The following KCNAB2 variants were observed in gnomAD, a reference collection of about 807,000 sequenced individuals.
KCNAB2 encodes the protein voltage-gated potassium channel subunit beta-2.
A neutral mutation model predicts 63.6 loss-of-function variants in KCNAB2; 29 were observed. The ratio of observed to expected loss-of-function variants is 0.46; its 90% CI spans 0.34 to 0.62. The LOEUF (loss-of-function observed/expected upper bound fraction) is 0.62. KCNAB2 is among the 20% of genes least tolerant of loss of function. KCNAB2 has a pLI of 0.01. For missense variants in KCNAB2, 359 were observed against 563.9 expected (o/e 0.64, Z 3.68); for synonymous variants, 222 against 224.2 (o/e 0.99, Z 0.09).
intron 1 of KCNAB2, among the ~76,000 whole-genome samples, chr1:6,006,739 C>A (rs541798883): frequency 1.2e-3 from 170 of 139,156 alleles, no homozygotes; most frequent in African/African-American, 4.7e-3. Context: ...TCCCACATTC[C>A]CCTACTCCAC....
chr1:6,032,231 A>G (rs777391349), upstream of KCNAB2, among the ~76,000 whole-genome samples: 2 of 152,178 alleles, frequency 1.3e-5, no homozygotes, highest in African/African-American at 2.4e-5. Context: ...GGGGAACCGA[A>G]TATTCACACA....
chr1:6,084,681 T>C (rs984681876), intron 5 of KCNAB2, among the ~76,000 whole-genome samples: 7 of 152,048 alleles, frequency 4.6e-5, no homozygotes, highest in Admixed American at 2.6e-4. Flanking sequence ...CCGGGCGTGG[T>C]GGCAGGTGCC....
upstream of KCNAB2, among the ~76,000 whole-genome samples, chr1:6,030,736 TTA>T (rs1283904097): frequency 8.0e-5 from 12 of 149,154 alleles, no homozygotes; most frequent in Non-Finnish European, 1.8e-4. Flanking sequence ...TTATGTGTGT[TTA>T]TGTGTGTATA....
At position 6,001,973 on chromosome 1, in the gene KCNAB2, T is replaced by G. The variant is rs147950635; in HGVS notation, c.-53+9185T>G. Among the ~76,000 whole-genome samples, 276 of 152,310 alleles carry G rather than the reference T, an allele frequency of 1.8e-3. 2 individuals are homozygous for G. Among genetic ancestry groups the G allele is most frequent in the African/African-American group, 6.4e-3 (267 of 41,570 alleles). On this transcript the variant is annotated intron_variant, in intron 1 of 16. Coordinates refer to the KCNAB2 transcript ENST00000341524. ...TCCTGTAGTCTCTCCAAGCATGCCCTGCAGTGGTCATGACTGCTGACATCT... is the reference window on the plus strand; with the variant it reads ...TCCTGTAGTCTCTCCAAGCATGCCCGGCAGTGGTCATGACTGCTGACATCT...
At position 6,095,591 on chromosome 1, in the gene KCNAB2, T is replaced by C. The variant is rs1284481552; in HGVS notation, c.915T>C (p.Ser305=). The C allele has an allele frequency of 1.2e-6, 2 of 1,613,326 alleles. No homozygotes were observed. The highest frequency in any genetic ancestry group is 2.2e-5 in the East Asian group (1 of 44,850). The stretch of plus-strand genomic sequence containing the variant: ...GCATTGTTTCTGGCAAGTACGACAG[T>C]GGCATCCCACCCTACTCAAGAGCCT... ...ACGIVSGKYD[S]GIPPYSRASL... is the part of the protein sequence containing the mutation. The change falls in exon 13 of 16, where the codon AGT becomes AGC. Residue 305 remains serine, a synonymous_variant. Coordinates refer to ENST00000378083, the MANE Select transcript of KCNAB2 (RefSeq NM_001199862.2).
chr1:6,037,383 G>T (rs1056323981), intron 1 of KCNAB2, among the ~76,000 whole-genome samples: 2 of 152,206 alleles, frequency 1.3e-5, no homozygotes, highest in Non-Finnish European at 2.9e-5. Context: ...CCTGCCTCCC[G>T]TGGGCCGTGT....
At chr1:6,052,710 G>T (rs1661496287) in intron 2 of KCNAB2, among the ~76,000 whole-genome samples, 1 of 152,188 alleles carries the variant, frequency 6.6e-6, no homozygotes, top group Non-Finnish European at 1.5e-5. Context: ...TCAGGAACAT[G>T]CCCTTGTGAG....
At chr1:6,049,151 G>C (rs958109275) in intron 1 of KCNAB2, among the ~76,000 whole-genome samples, 4 of 152,246 alleles carry the variant, frequency 2.6e-5, no homozygotes, top group Admixed American at 6.5e-5. Flanking sequence ...CAGGAAGCCA[G>C]CCCCGCCCCC....
At position 6,078,987 on chromosome 1, in the gene KCNAB2, C is replaced by T. The variant is rs568230395; in HGVS notation, c.301-3208C>T. Among the ~76,000 whole-genome samples, 141 of 152,308 alleles carry T rather than the reference C, an allele frequency of 9.3e-4. No individual in the cohort carries two copies. The highest frequency in any genetic ancestry group is 3.1e-3 in the African/African-American group (130 of 41,576). On this transcript the variant is annotated intron_variant, in intron 4 of 15. Coordinates refer to ENST00000378083, the MANE Select transcript of KCNAB2 (RefSeq NM_001199862.2). The surrounding 1 kb of genome is among the most constrained non-coding windows in gnomAD (Gnocchi z 4.2). ...CTGGAGGCTCAGAGCAGGGTGGGCACCGTGGAGGTGGGGAGACGGGTCAGA... is the reference window on the plus strand; with the variant it reads ...CTGGAGGCTCAGAGCAGGGTGGGCATCGTGGAGGTGGGGAGACGGGTCAGA...
At chr1:6,064,633 C>T (rs1662589781) in intron 2 of KCNAB2, among the ~76,000 whole-genome samples, 1 of 152,162 alleles carries the variant, frequency 6.6e-6, no homozygotes, top group African/African-American at 2.4e-5. Context: ...CTTCAGCAGC[C>T]CATGAGCTCC....
chr1:6,091,356 T>C (rs1161122175), intron 10 of KCNAB2, 49 bp downstream of exon 10: 1 of 1,278,670 alleles, frequency 7.8e-7, no homozygotes, highest in Admixed American at 2.0e-5. Flanking sequence ...CCAAGCTGCA[T>C]TTTATGAGAC....
In KCNAB2 at chr1:6,003,911, AGCTGCCTTTCAAATTGCTGCCGCAGC is replaced by A. The variant is rs1657404572; in HGVS notation, c.-53+11131_-53+11156del. On this transcript the variant is annotated intron_variant, in intron 1 of 16. Coordinates refer to the KCNAB2 transcript ENST00000341524. The surrounding 1 kb of genome is among the most constrained non-coding windows in gnomAD (Gnocchi z 4.1). ...GCCTTTAATGGATGTGGTGGAGTAA[AGCTGCCTTTCAAATTGCTGCCGCAGC>A]GCTGCCTGGCAAGATGTTAATCGTT... Among the ~76,000 whole-genome samples, 1 of 152,156 alleles carries A rather than the reference AGCTGCCTTTCAAATTGCTGCCGCAGC, an allele frequency of 6.6e-6. No homozygotes were observed. The highest frequency in any genetic ancestry group is 2.4e-5 in the African/African-American group (1 of 41,422).
rs1016147195 is a variant in KCNAB2 at position 6,100,102 on chromosome 1, C to G, written c.*1528C>G. The G allele has an allele frequency of 4.3e-5, 62 of 1,446,504 alleles. No individual in the cohort carries two copies. Among genetic ancestry groups the G allele is most frequent in the Non-Finnish European group, 5.2e-5 (57 of 1,097,460 alleles). 89.6% of individuals were successfully genotyped at this position (1,446,504 alleles called of 1,614,324 possible). Reference sequence around the variant, plus strand: ...TGTTCCCGCTTTGCCCCTGGAGGAGCCACTATTCCAGAAGGCTCCACCCTG... The same window carrying G: ...TGTTCCCGCTTTGCCCCTGGAGGAGGCACTATTCCAGAAGGCTCCACCCTG... On this transcript the variant is annotated 3_prime_UTR_variant, in exon 16 of 16. Coordinates refer to ENST00000378083, the MANE Select transcript of KCNAB2 (RefSeq NM_001199862.2).
chr1:6,099,822 G>C lies in KCNAB2; in HGVS notation c.*1248G>C, dbSNP rs1031295802. The C allele has an allele frequency of 6.5e-7, 1 of 1,534,604 alleles. No individual in the cohort carries two copies. Among genetic ancestry groups the C allele is most frequent in the Non-Finnish European group, 8.8e-7 (1 of 1,138,798 alleles). ...ACTGCCTGACACCTGGGACAGGCTGGGCAGAGGGGAGAGAGGGCAGGACAG... is the reference window on the plus strand; with the variant it reads ...ACTGCCTGACACCTGGGACAGGCTGCGCAGAGGGGAGAGAGGGCAGGACAG... On this transcript the variant is annotated 3_prime_UTR_variant, in exon 16 of 16. Coordinates refer to ENST00000378083, the MANE Select transcript of KCNAB2 (RefSeq NM_001199862.2).
Position 6,055,402 on chromosome 1 carries a change from C to CTACA in KCNAB2, c.218+3649_218+3652dup, listed in dbSNP as rs558305539. ...TTGGAGTTTCGCTGTATCGCCCAGG[C>CTACA]TACAGTGCAGTGGCACAGTCTCGGC... On this transcript the variant is annotated intron_variant, in intron 2 of 15. Transcript: ENST00000378083. Among the ~76,000 whole-genome samples the CTACA allele has an allele frequency of 1.3e-4, 18 of 142,924 alleles. No homozygotes were observed. The South Asian group carries it at 3.7e-3, about 30-fold the overall frequency. The allele number at this position is 142,924 out of a possible 152,430, so 93.8% of individuals were successfully genotyped here.
At chr1:5,993,203 T>C (rs1656651922) in intron 1 of KCNAB2, among the ~76,000 whole-genome samples, 1 of 151,826 alleles carries the variant, frequency 6.6e-6, no homozygotes, top group African/African-American at 2.4e-5. Context: ...GGGGCGCTGC[T>C]GTTCCCGGTC....
At chr1:6,023,491 A>G (rs1175921549) in intron 1 of KCNAB2, among the ~76,000 whole-genome samples, 1 of 152,112 alleles carries the variant, frequency 6.6e-6, no homozygotes, top group Non-Finnish European at 1.5e-5. Flanking sequence ...CGGCCATCCT[A>G]ATGGCTGCGA....
chr1:6,029,738 A>G (rs903112535), upstream of KCNAB2, among the ~76,000 whole-genome samples: 1 of 152,232 alleles, frequency 6.6e-6, no homozygotes, highest in African/African-American at 2.4e-5. Context: ...AGACCAGCAC[A>G]TGGCAGAGCC....
chr1:6,081,053 G>C (rs1310598751), intron 4 of KCNAB2, among the ~76,000 whole-genome samples: 1 of 152,230 alleles, frequency 6.6e-6, no homozygotes, highest in Non-Finnish European at 1.5e-5. Context: ...GCCTCTTGGA[G>C]GGAGCTGTCA....
Sources: gnomAD v4.1 joint callset for allele counts (sites outside exome capture counted in the v4.1 genomes callset) on GRCh38, gnomAD v4.1.1 for gene constraint, Gnocchi (gnomAD v3.1) non-coding constraint, MANE v1.5 for transcripts, NCBI Gene and HGNC (gene_info 2026-07-23, HGNC 2026-07-21) for gene names.